TTC27: variants seen among roughly 807,000 people sequenced by gnomAD.
TTC27 encodes the protein tetratricopeptide repeat domain 27.
TTC27 carries 79 observed loss-of-function variants against 115.9 expected under a neutral mutation model. The observed-to-expected ratio is 0.68, with a 90% CI of 0.57 to 0.82. TTC27 has a LOEUF of 0.82. Ranked by LOEUF, TTC27 falls within the 40% of genes least tolerant of loss-of-function variation. The probability of loss-of-function intolerance (pLI) is 0.00; values close to 1 mark genes in which losing one functional copy is unlikely to be tolerated. For missense variants in TTC27, 1,054 were observed against 993.1 expected (o/e 1.06, Z -0.82); for synonymous variants, 401 against 356.0 (o/e 1.13, Z -1.42).
chr2:32,677,231 T>C (rs964093090), intron 8 of TTC27, among the ~76,000 whole-genome samples: 9 of 152,194 alleles, frequency 5.9e-5, no homozygotes, highest in African/African-American at 1.4e-4. Flanking sequence ...CAATTTACTT[T>C]GCAGTATAGC....
chr2:32,805,578 G>A (rs962946831), intron 16 of TTC27, among the ~76,000 whole-genome samples: 1 of 152,218 alleles, frequency 6.6e-6, no homozygotes, highest in Non-Finnish European at 1.5e-5. Context: ...AGCAGAAGTA[G>A]TAGGGAGGTA....
chr2:32,820,905 A>G lies in TTC27; in HGVS notation c.2499A>G (p.Gln833=). The change falls in exon 20 of 20, where the codon CAA becomes CAG. Residue 833 remains glutamine, a synonymous_variant. Coordinates refer to ENST00000317907, the MANE Select transcript of TTC27 (RefSeq NM_017735.5). ...TGGACACCTTAGTGACAGAGCTCCA[A>G]GACCTAAGCAACCAGTTTCGAAATC... ...TAMDTLVTEL[Q]DLSNQFRNQY The G allele has an allele frequency of 5.2e-6, 8 of 1,529,922 alleles. No homozygotes were observed. The highest frequency in any genetic ancestry group is 6.2e-6 in the Non-Finnish European group (7 of 1,133,326). 94.8% of individuals were successfully genotyped at this position (1,529,922 alleles called of 1,614,324 possible). A position where few individuals can be genotyped will look rare whatever the true frequency, so the allele number is the denominator to read the frequency against.
At chr2:32,710,156 T>C (rs149675381) in intron 10 of TTC27, among the ~76,000 whole-genome samples, 294 of 151,954 alleles carry the variant, frequency 1.9e-3, no homozygotes, top group Non-Finnish European at 3.3e-3. Flanking sequence ...GCTGGGACTA[T>C]AGGCATGCAC....
chr2:32,788,380 C>T (rs1670418070), intron 16 of TTC27, among the ~76,000 whole-genome samples: 1 of 148,072 alleles, frequency 6.8e-6, no homozygotes, highest in Non-Finnish European at 1.5e-5. Context: ...AATTAGTTTA[C>T]ACACCAAGTC....
At chr2:32,638,022 A>G (rs1328325020) in intron 3 of TTC27, among the ~76,000 whole-genome samples, 1 of 152,166 alleles carries the variant, frequency 6.6e-6, no homozygotes, top group Middle Eastern at 3.2e-3. Flanking sequence ...GCCCTTCCTG[A>G]GGGGCAGGAA....
chr2:32,723,323 A>C (rs113662479), intron 10 of TTC27, among the ~76,000 whole-genome samples: 8 of 151,922 alleles, frequency 5.3e-5, no homozygotes, highest in African/African-American at 1.9e-4. Flanking sequence ...CATATGTACC[A>C]GCTCTTGGTG....
At chr2:32,640,161 C>A in intron 3 of TTC27, 109 bp from the exon 4 acceptor site, 1 of 1,036,592 alleles carries the variant, frequency 9.6e-7, no homozygotes, top group Non-Finnish European at 1.4e-6. Flanking sequence ...TATATTAATG[C>A]TTTTGTTTCA....
At chr2:32,763,642 C>G (rs1217146225) in intron 13 of TTC27, among the ~76,000 whole-genome samples, 1 of 152,140 alleles carries the variant, frequency 6.6e-6, no homozygotes, top group African/African-American at 2.4e-5. Context: ...AAAATGAGAG[C>G]TCCTATACGA....
At chr2:32,683,895 C>A (rs547891320) in intron 9 of TTC27, among the ~76,000 whole-genome samples, 31 of 152,220 alleles carry the variant, frequency 2.0e-4, no homozygotes, top group African/African-American at 7.2e-4. Flanking sequence ...GTAGCTCATG[C>A]CTGTAATCCC....
intron 15 of TTC27, among the ~76,000 whole-genome samples, chr2:32,784,306 A>T (rs1255413522): frequency 6.6e-6 from 1 of 152,258 alleles, no homozygotes; most frequent in Admixed American, 6.5e-5. Context: ...GCAAAGGTGG[A>T]GTTGTAAGGT....
At chr2:32,711,624 G>A (rs1484002293) in intron 10 of TTC27, among the ~76,000 whole-genome samples, 1 of 152,114 alleles carries the variant, frequency 6.6e-6, no homozygotes, top group East Asian at 1.9e-4. Context: ...GCAGTGTAAA[G>A]TGATAAAATG....
intron 12 of TTC27, among the ~76,000 whole-genome samples, chr2:32,747,811 G>T (rs1668879831): frequency 6.6e-6 from 1 of 152,118 alleles, no homozygotes; most frequent in African/African-American, 2.4e-5. Context: ...TAGGATACCT[G>T]GGGAGTATAG....
At chr2:32,731,934 A>AT (rs1326900986) in intron 10 of TTC27, among the ~76,000 whole-genome samples, 1 of 152,080 alleles carries the variant, frequency 6.6e-6, no homozygotes, top group Non-Finnish European at 1.5e-5. Context: ...TTTAGTAACT[A>AT]TAGCCAACAA....
intron 12 of TTC27, among the ~76,000 whole-genome samples, chr2:32,742,727 A>G (rs1333739597): frequency 6.6e-6 from 1 of 152,080 alleles, no homozygotes; most frequent in East Asian, 1.9e-4. Flanking sequence ...ATCTTTATGT[A>G]CTGTATTGAG....
chr2:32,807,955 C>CA (rs1214318168), intron 16 of TTC27, among the ~76,000 whole-genome samples: 1 of 108,188 alleles, frequency 9.2e-6, no homozygotes, highest in African/African-American at 3.7e-5. Flanking sequence ...TTTTTGGAGA[C>CA]AGAGTTTCGC....
At chr2:32,759,487 G>T (rs1232207401) in intron 13 of TTC27, among the ~76,000 whole-genome samples, 4 of 152,090 alleles carry the variant, frequency 2.6e-5, no homozygotes, top group African/African-American at 9.7e-5. Context: ...GCCAGGCATG[G>T]TGGCTTACAT....
At chr2:32,810,079 C>T (rs1432135416) in intron 16 of TTC27, among the ~76,000 whole-genome samples, 2 of 147,814 alleles carry the variant, frequency 1.4e-5, no homozygotes, top group East Asian at 4.0e-4. Flanking sequence ...CATACCACTG[C>T]ACTCCAGCCT....
chr2:32,797,672 A>G (rs1670756089), intron 16 of TTC27, among the ~76,000 whole-genome samples: 1 of 152,242 alleles, frequency 6.6e-6, no homozygotes, highest in Admixed American at 6.5e-5. Flanking sequence ...AAGTAAACAT[A>G]GGGCAAGAAC....
intron 13 of TTC27, among the ~76,000 whole-genome samples, 195 bp from the exon 14 acceptor site, chr2:32,777,687 A>G (rs1026752141): frequency 6.6e-6 from 1 of 152,216 alleles, no homozygotes; most frequent in African/African-American, 2.4e-5. Context: ...CAGTGTTTAC[A>G]TTGAAAATTA....
Sources: gnomAD v4.1 joint callset for allele counts (sites outside exome capture counted in the v4.1 genomes callset) on GRCh38, gnomAD v4.1.1 for gene constraint, MANE v1.5 for transcripts, NCBI Gene and HGNC (gene_info 2026-07-23, HGNC 2026-07-21) for gene names.